The following TENM3 variants were observed in gnomAD, a reference collection of about 807,000 sequenced individuals.
TENM3 encodes teneurin-3.
A neutral mutation model predicts 255.1 loss-of-function variants in TENM3; 63 were observed. That is an observed-to-expected ratio of 0.25 (90% CI 0.20 to 0.30). The LOEUF is 0.30. Among genes scored for constraint, TENM3 ranks in the 10% least tolerant of loss-of-function variants. The probability of loss-of-function intolerance (pLI) is 1.00; values close to 1 mark genes in which losing one functional copy is unlikely to be tolerated. For synonymous variants in TENM3, 1,306 were observed against 1,322.3 expected (o/e 0.99, Z 0.27); for missense variants, 2,929 against 3,461.1 (o/e 0.85, Z 3.86).
At chr4:182,094,307 G>A in the TENM3 span, among the ~76,000 whole-genome samples, 1 of 151,712 alleles carries the variant, frequency 6.6e-6, no homozygotes, top group East Asian at 1.9e-4. Context: ...GTGCAGTGGT[G>A]CCATCTCAGC....
At chr4:182,545,246 T>G (rs967986470) in intron 3 of TENM3, among the ~76,000 whole-genome samples, 1 of 152,218 alleles carries the variant, frequency 6.6e-6, no homozygotes, top group Non-Finnish European at 1.5e-5. Context: ...TATGTCTGTT[T>G]GCGTGGAAAG....
chr4:181,746,702 CTT>C, the TENM3 span, among the ~76,000 whole-genome samples: 1 of 151,400 alleles, frequency 6.6e-6, no homozygotes, highest in South Asian at 2.1e-4. Context: ...ATTTGCCTCT[CTT>C]TTTATCATCT....
chr4:181,731,549 C>T, the TENM3 span, among the ~76,000 whole-genome samples: 1 of 152,108 alleles, frequency 6.6e-6, no homozygotes, highest in African/African-American at 2.4e-5. Context: ...TGTAGGGTTT[C>T]ACCATGTTGC....
At chr4:182,032,340 T>C in the TENM3 span, among the ~76,000 whole-genome samples, 14 of 152,238 alleles carry the variant, frequency 9.2e-5, no homozygotes, top group Non-Finnish European at 1.9e-4. Context: ...TCTGTTTATA[T>C]GATGAATTAC....
chr4:181,519,698 C>T, the TENM3 span, among the ~76,000 whole-genome samples: 7 of 152,132 alleles, frequency 4.6e-5, no homozygotes, highest in Non-Finnish European at 7.4e-5. Flanking sequence ...TTTTCACTTA[C>T]GGAAATGAAA....
At chr4:182,414,446 A>G (rs1770220539) in intron 3 of TENM3, among the ~76,000 whole-genome samples, 1 of 152,236 alleles carries the variant, frequency 6.6e-6, no homozygotes, top group South Asian at 2.1e-4. Context: ...TATCATTTTA[A>G]TAATGAGTAT....
At chr4:182,456,511 AAAG>A (rs1322392588) in intron 3 of TENM3, among the ~76,000 whole-genome samples, 1 of 152,188 alleles carries the variant, frequency 6.6e-6, no homozygotes. Flanking sequence ...TCCACAATGA[AAAG>A]AAGTTCATTG....
chr4:181,528,910 C>T, the TENM3 span, among the ~76,000 whole-genome samples: 1 of 152,180 alleles, frequency 6.6e-6, no homozygotes, highest in African/African-American at 2.4e-5. Context: ...CGTGTATATA[C>T]ACACACATAT....
the TENM3 span, among the ~76,000 whole-genome samples, chr4:182,075,191 G>GT: frequency 3.4e-5 from 4 of 116,700 alleles, no homozygotes; most frequent in Non-Finnish European, 5.2e-5. Flanking sequence ...GTGGACACTT[G>GT]TTTTTTTTCT....
At chr4:182,672,825 A>G (rs899125380) in intron 6 of TENM3, among the ~76,000 whole-genome samples, 180 bp from the exon 7 acceptor site, 1 of 152,254 alleles carries the variant, frequency 6.6e-6, no homozygotes, top group Admixed American at 6.5e-5. Context: ...CAGAATTAGT[A>G]AAACACCAGT....
the TENM3 span, among the ~76,000 whole-genome samples, chr4:182,106,972 G>C: frequency 1.3e-5 from 2 of 152,098 alleles, no homozygotes; most frequent in Non-Finnish European, 2.9e-5. Context: ...TAAGCTGAGA[G>C]TTGTCCTCGG....
At chr4:182,418,415 A>G (rs970534059) in intron 3 of TENM3, among the ~76,000 whole-genome samples, 1 of 152,152 alleles carries the variant, frequency 6.6e-6, no homozygotes, top group African/African-American at 2.4e-5. Context: ...GGAATTTGCC[A>G]GGGGGTCACA....
At chr4:182,079,019 A>G in the TENM3 span, among the ~76,000 whole-genome samples, 1 of 152,174 alleles carries the variant, frequency 6.6e-6, no homozygotes, top group Non-Finnish European at 1.5e-5. Context: ...CATTAGTGAT[A>G]ATTAGTAAGA....
At position 182,701,969 on chromosome 4, in the gene TENM3, A is replaced by G. The variant is rs571051767; in HGVS notation, c.2222-12118A>G. ...GGATAGGGATATGCATGTAAAATAT[A>G]ATATTTGAATGTCTTAGTTTCCAAA... On this transcript the variant is annotated intron_variant, in intron 12 of 27. Transcript: ENST00000511685. Among the ~76,000 whole-genome samples, 7 of 152,346 alleles carry G rather than the reference A, an allele frequency of 4.6e-5. No homozygotes were observed. The South Asian group carries it at 1.5e-3, about 32-fold the overall frequency.
the TENM3 span, among the ~76,000 whole-genome samples, chr4:181,493,854 A>G: frequency 6.6e-6 from 1 of 152,172 alleles, no homozygotes; most frequent in Admixed American, 6.5e-5. Flanking sequence ...TAACGTGCCT[A>G]TTCAAGATCT....
chr4:181,794,747 T>C, the TENM3 span, among the ~76,000 whole-genome samples: 1 of 151,906 alleles, frequency 6.6e-6, no homozygotes, highest in South Asian at 2.1e-4. Context: ...AAGAACATTT[T>C]AGTTCTGTCT....
the TENM3 span, among the ~76,000 whole-genome samples, chr4:181,699,394 G>T: frequency 0.5 from 68,307 of 137,784 alleles, 17,118 homozygotes; most frequent in Middle Eastern, 0.61. Context: ...AGTGTGCAAT[G>T]ATAGCACCAC....
At chr4:181,565,194 C>T in the TENM3 span, among the ~76,000 whole-genome samples, 1 of 152,128 alleles carries the variant, frequency 6.6e-6, no homozygotes, top group Admixed American at 6.5e-5. Flanking sequence ...GCTCTTTCTC[C>T]CTCAAACTGT....
intron 1 of TENM3, among the ~76,000 whole-genome samples, chr4:182,195,866 A>C (rs1236481387): frequency 6.6e-6 from 1 of 152,172 alleles, no homozygotes; most frequent in South Asian, 2.1e-4. Context: ...CATGGCCTCC[A>C]TTATATTCTC....
Sources: allele counts gnomAD v4.1 joint callset (sites outside exome capture counted in the v4.1 genomes callset), GRCh38; gene constraint gnomAD v4.1.1; transcripts MANE v1.5; gene names NCBI Gene and HGNC (gene_info 2026-07-23, HGNC 2026-07-21).